The following ATP11B variants were observed in gnomAD, a reference collection of about 807,000 sequenced individuals.
ATP11B encodes the protein ATPase phospholipid transporting 11B (putative), also known as phospholipid-transporting ATPase IF.
Under a neutral mutation model 157.8 loss-of-function variants are expected in ATP11B, and 81 were observed. The ratio of observed to expected loss-of-function variants is 0.51; its 90% CI spans 0.43 to 0.62. The LOEUF is 0.62. ATP11B is among the 20% of genes least tolerant of loss of function. The pLI is 0.00. For synonymous variants in ATP11B, 451 were observed against 469.4 expected (o/e 0.96, Z 0.51); for missense variants, 1,165 against 1,402.2 (o/e 0.83, Z 2.70).
intron 1 of ATP11B, among the ~76,000 whole-genome samples, chr3:182,797,792 GGTAAA>G (rs1715723446): frequency 6.6e-6 from 1 of 151,988 alleles, no homozygotes; most frequent in African/African-American, 2.4e-5. Flanking sequence ...TACATATATA[GGTAAA>G]GTAAAATAAA....
rs539013628 is a variant in ATP11B, at chr3:182,896,380, A to G, written c.2983-320A>G. 7.0e-4 allele frequency among the ~76,000 whole-genome samples: 106 copies of G among 152,310 alleles called. 1 individual carries two copies. Among genetic ancestry groups the G allele is most frequent in the Admixed American group, 4.1e-3 (63 of 15,302 alleles). ...TGAAAAGGATTTTGTTACCATTTTT[A>G]CTGTGCAACAGCAATAAAGCAGTCC... On this transcript the variant is annotated intron_variant, in intron 25 of 29. Transcript: ENST00000323116.
At chr3:182,916,355 G>A in intron 29 of ATP11B, 1 of 985,278 alleles carries the variant, frequency 1.0e-6, no homozygotes, top group Non-Finnish European at 1.2e-6. Flanking sequence ...CAAGAGTAAT[G>A]GGCATCACTT....
At chr3:182,811,820 G>A (rs1014889155) in intron 1 of ATP11B, among the ~76,000 whole-genome samples, 1 of 152,122 alleles carries the variant, frequency 6.6e-6, no homozygotes. Flanking sequence ...AGAGCATTAT[G>A]TATTTTGATA....
chr3:182,803,412 C>G (rs1026789663), intron 1 of ATP11B, among the ~76,000 whole-genome samples: 20 of 152,192 alleles, frequency 1.3e-4, no homozygotes, highest in African/African-American at 4.6e-4. Flanking sequence ...GATGCCAATT[C>G]TTTGTTGTAT....
intron 1 of ATP11B, among the ~76,000 whole-genome samples, chr3:182,794,780 T>C (rs1224308242): frequency 6.6e-6 from 1 of 152,216 alleles, no homozygotes; most frequent in Non-Finnish European, 1.5e-5. Context: ...CCTAACCTTA[T>C]CTGTGTGATG....
chr3:182,850,342 G>A (rs942716029), intron 10 of ATP11B, among the ~76,000 whole-genome samples: 6 of 151,984 alleles, frequency 3.9e-5, no homozygotes, highest in Non-Finnish European at 8.8e-5. Context: ...GTGTGGTGGC[G>A]GGTGCCTGTA....
At chr3:182,844,709 C>G (rs941401221) in intron 8 of ATP11B, 4 of 194,132 alleles carry the variant, frequency 2.1e-5, no homozygotes, top group African/African-American at 9.5e-5. Flanking sequence ...ATATGCAAAT[C>G]ATACTATAGT....
At chr3:182,843,258 G>T (rs114690651) in intron 8 of ATP11B, among the ~76,000 whole-genome samples, 1,945 of 152,234 alleles carry the variant, frequency 0.013, 47 homozygotes, top group African/African-American at 0.044. Flanking sequence ...CAGCAAGTGA[G>T]GATGAAACAA....
chr3:182,906,059 T>C (rs1724328781), intron 28 of ATP11B: 2 of 321,278 alleles, frequency 6.2e-6, no homozygotes, highest in East Asian at 7.6e-5. Context: ...TTAGTTTCGT[T>C]GTTTTCCTTT....
At chr3:182,910,294 G>A (rs1027287032) in intron 28 of ATP11B, among the ~76,000 whole-genome samples, 65 of 152,114 alleles carry the variant, frequency 4.3e-4, no homozygotes, top group African/African-American at 1.4e-3. Context: ...AGCAAAGGAT[G>A]GCCAGGCTCA....
At chr3:182,803,140 G>A (rs1716114932) in intron 1 of ATP11B, among the ~76,000 whole-genome samples, 1 of 152,062 alleles carries the variant, frequency 6.6e-6, no homozygotes, top group Admixed American at 6.5e-5. Flanking sequence ...CATGGGTCAC[G>A]TACATTATGA....
chr3:182,914,468 G>A (rs1311272527), intron 29 of ATP11B: 2 of 985,056 alleles, frequency 2.0e-6, no homozygotes, highest in South Asian at 4.7e-5. Context: ...AGGCTTTGAG[G>A]TATTTATAAA....
intron 8 of ATP11B, chr3:182,844,614 G>A: frequency 1.1e-6 from 1 of 928,294 alleles, no homozygotes; most frequent in Non-Finnish European, 1.3e-6. Context: ...AAGTTATACT[G>A]TGCGATCTTG....
chr3:182,861,529 G>A (rs901352628), intron 12 of ATP11B, among the ~76,000 whole-genome samples: 2 of 152,214 alleles, frequency 1.3e-5, no homozygotes, highest in Admixed American at 1.3e-4. Context: ...ACTGTGAAGT[G>A]TGAAAGGGAA....
At chr3:182,865,375 G>C in intron 12 of ATP11B, 81 bp from the exon 13 acceptor site, 1 of 1,413,078 alleles carries the variant, frequency 7.1e-7, no homozygotes, top group Non-Finnish European at 9.6e-7. Flanking sequence ...CTTCAGGAGA[G>C]CGAGGACAGA....
chr3:182,828,508 A>G (rs1409512530), intron 3 of ATP11B, among the ~76,000 whole-genome samples: 1 of 152,080 alleles, frequency 6.6e-6, no homozygotes, highest in African/African-American at 2.4e-5. Context: ...TCTGCCTCAG[A>G]ACATAAATGT....
rs1577059592 is a variant in ATP11B, at chr3:182,873,669, C to G, written c.2049-143C>G. 4 of 659,056 alleles carry G rather than the reference C, an allele frequency of 6.1e-6. No individual in the cohort carries two copies. In the East Asian group the frequency reaches 1.1e-4, roughly 18 times the overall value. The allele number at this position is 659,056 out of a possible 1,614,324, so 40.8% of individuals were successfully genotyped here. Reference sequence around the variant, plus strand: ...GTTTCCTTCCTAATGAGAGAAAATTCCAGTTATATTGCTATATTGTATAAT... The same window carrying G: ...GTTTCCTTCCTAATGAGAGAAAATTGCAGTTATATTGCTATATTGTATAAT... On this transcript the variant is annotated intron_variant, in intron 18 of 29. Transcript: ENST00000323116.
At chr3:182,908,613 G>A (rs1372623375) in intron 28 of ATP11B, 1 of 152,164 alleles carries the variant, frequency 6.6e-6, no homozygotes, top group Non-Finnish European at 1.5e-5. Context: ...TAGAGGGAAG[G>A]AGAGAGGAAA....
At chr3:182,865,953 GC>G (rs1202015829) in intron 13 of ATP11B, among the ~76,000 whole-genome samples, 36 of 152,276 alleles carry the variant, frequency 2.4e-4, no homozygotes, top group African/African-American at 7.2e-4. Context: ...AGCCCTTACT[GC>G]CTTGAAGTGA....
Sources: gnomAD v4.1 joint callset for allele counts (sites outside exome capture counted in the v4.1 genomes callset) on GRCh38, gnomAD v4.1.1 for gene constraint, MANE v1.5 for transcripts, NCBI Gene and HGNC (gene_info 2026-07-23, HGNC 2026-07-21) for gene names.